Variants in GFOD1 observed in about 807,000 individuals in gnomAD.
GFOD1 encodes the protein glucose-fructose oxidoreductase domain-containing protein 1.
A neutral mutation model predicts 25.4 loss-of-function variants in GFOD1; 9 were observed. The ratio of observed to expected loss-of-function variants is 0.35; its 90% confidence interval spans 0.21 to 0.62. The LOEUF (loss-of-function observed/expected upper bound fraction) is 0.62, where lower values mean the gene tolerates loss of function less well. GFOD1 is among the 20% of genes least tolerant of loss of function. The probability of loss-of-function intolerance (pLI) is 0.72; values close to 1 mark genes in which losing one functional copy is unlikely to be tolerated. For missense variants in GFOD1, 403 were observed against 556.9 expected, an observed-to-expected ratio of 0.72 and a Z score of 2.78; for synonymous variants, 253 against 245.6, an observed-to-expected ratio of 1.03 and a Z score of -0.28.
At chr6:13,426,253 C>A (rs1216360815) in intron 1 of GFOD1, among the ~76,000 whole-genome samples, 1 of 152,264 alleles carries the variant, frequency 6.6e-6, no homozygotes, top group Non-Finnish European at 1.5e-5. Flanking sequence ...GAAGGCCACA[C>A]ACGCCCCCAG....
chr6:13,466,612 T>C (rs1240365323), intron 1 of GFOD1, among the ~76,000 whole-genome samples: 2 of 152,150 alleles, frequency 1.3e-5, no homozygotes, highest in African/African-American at 4.8e-5. Flanking sequence ...TGACCTGCAG[T>C]TGCTTGGGAT....
chr6:13,419,975 G>A (rs6910652), intron 1 of GFOD1, among the ~76,000 whole-genome samples: 99,342 of 152,044 alleles, frequency 0.65, 33,642 homozygotes, highest in Non-Finnish European at 0.74. Flanking sequence ...CACCTGCTGA[G>A]GGGATGCAGT....
chr6:13,409,108 A>AG (rs1320489630), intron 1 of GFOD1, among the ~76,000 whole-genome samples: 17 of 72,510 alleles, frequency 2.3e-4, no homozygotes, highest in Non-Finnish European at 5.3e-4. Flanking sequence ...AAAGAAAGAA[A>AG]GAAAGAAAGA....
intron 1 of GFOD1, chr6:13,469,323 A>T: frequency 1.0e-6 from 1 of 984,806 alleles, no homozygotes; most frequent in Non-Finnish European, 1.2e-6. Context: ...TTCAAAAATA[A>T]GTTATAATCA....
chr6:13,487,185 T>A lies in GFOD1; in HGVS notation c.-295A>T. On this transcript the variant is annotated 5_prime_UTR_variant, in exon 1 of 2. Coordinates refer to ENST00000379287, the MANE Select transcript of GFOD1 (RefSeq NM_018988.4). This position sits in a 1 kb window ranked among gnomAD's most constrained non-coding sequence, Gnocchi z 4.9. ...GGGCGCCGGAGGCTTCGAAGCCCCC[T>A]GGAGCCCCGGCTCAGGCTGCGCTCC... 2.9e-6 allele frequency: 1 copy of A among 344,258 alleles called. No homozygotes were observed. Among genetic ancestry groups the A allele is most frequent in the South Asian group, 8.7e-5 (1 of 11,432 alleles). 21.3% of individuals were successfully genotyped at this position (344,258 alleles called of 1,614,324 possible).
Position 13,365,357 on chromosome 6 carries a change from G to A in GFOD1, c.559C>T (p.Leu187Phe). The change falls in exon 2 of 2, where the codon CTC becomes TTC. Residue 187 changes from leucine to phenylalanine, a missense_variant. Coordinates refer to ENST00000379287, the MANE Select transcript of GFOD1 (RefSeq NM_018988.4). The surrounding 1 kb of genome is among the most constrained non-coding windows in gnomAD (Gnocchi z 9.2). ...ACCTTGACGGCCTTTTGGCCGGTGA[G>A]GAAGGTGAGCAGGTCGATGATGTAG... is the stretch of plus-strand genomic sequence containing the variant. ...GTYIIDLLTFLTGQKAVKVHG... is the reference protein window; with the variant it reads ...GTYIIDLLTFFTGQKAVKVHG... The A allele has an allele frequency of 6.2e-7, 1 of 1,614,192 alleles. No individual in the cohort carries two copies. Among genetic ancestry groups the A allele is most frequent in the Non-Finnish European group, 8.5e-7 (1 of 1,180,028 alleles).
At chr6:13,416,704 G>T (rs1235093701) in intron 1 of GFOD1, among the ~76,000 whole-genome samples, 2 of 152,196 alleles carry the variant, frequency 1.3e-5, no homozygotes, top group Non-Finnish European at 2.9e-5. Flanking sequence ...CCAAGAGAGG[G>T]TATCTCATAT....
Position 13,422,694 on chromosome 6 carries a change from C to T in GFOD1, c.254-57032G>A, listed in dbSNP as rs140855793. ...CCCCCTCCATTCAGATCATTTCCAT[C>T]TAAGTAGGAAGCCTGTGTTCACCCA... On this transcript the variant is annotated intron_variant, in intron 1 of 1. Coordinates refer to ENST00000379287, the MANE Select transcript of GFOD1 (RefSeq NM_018988.4). Among the ~76,000 whole-genome samples the T allele has an allele frequency of 3.7e-3, 570 of 152,256 alleles. 9 individuals are homozygous for T. Among genetic ancestry groups the T allele is most frequent in the South Asian group, 0.037 (179 of 4,808 alleles).
rs573350699 is a variant in GFOD1 at position 13,465,232 on chromosome 6, T to C, written c.253+21406A>G. On this transcript the variant is annotated intron_variant, in intron 1 of 1. Coordinates refer to ENST00000379287, the MANE Select transcript of GFOD1 (RefSeq NM_018988.4). The stretch of plus-strand genomic sequence containing the variant: ...CAATAGCTGATGAGCTAAAAAAAAA[T>C]GCAAAAAATTTTCATAATGTTTTAA... 8.0e-5 allele frequency among the ~76,000 whole-genome samples: 10 copies of C among 124,360 alleles called. No homozygotes were observed. The South Asian group carries it at 2.2e-3, about 27-fold the overall frequency. 81.6% of individuals were successfully genotyped at this position (124,360 alleles called of 152,430 possible). A position where few individuals can be genotyped will look rare whatever the true frequency, so the allele number is the denominator to read the frequency against.
intron 1 of GFOD1, among the ~76,000 whole-genome samples, chr6:13,374,052 A>G (rs1451033017): frequency 6.6e-6 from 1 of 152,206 alleles, no homozygotes. Flanking sequence ...ACTTTGTGCC[A>G]GAGGAGGCAC....
chr6:13,435,224 T>C (rs971805282), intron 1 of GFOD1, among the ~76,000 whole-genome samples: 1 of 151,980 alleles, frequency 6.6e-6, no homozygotes, highest in Non-Finnish European at 1.5e-5. Context: ...CCTTGAAGAG[T>C]GTGTCTTTGA....
intron 1 of GFOD1, among the ~76,000 whole-genome samples, chr6:13,425,292 G>A (rs1442582739): frequency 6.6e-6 from 1 of 152,086 alleles, no homozygotes; most frequent in African/African-American, 2.4e-5. Context: ...AACCTGTTGA[G>A]TTAGTTACCA....
chr6:13,435,844 T>C (rs1418699637), intron 1 of GFOD1, among the ~76,000 whole-genome samples: 3 of 152,204 alleles, frequency 2.0e-5, no homozygotes, highest in Admixed American at 6.5e-5. Flanking sequence ...AAAACCCTAA[T>C]ATTATAAATA....
intron 1 of GFOD1, among the ~76,000 whole-genome samples, chr6:13,448,792 C>G (rs1355628419): frequency 6.6e-6 from 1 of 152,182 alleles, no homozygotes; most frequent in African/African-American, 2.4e-5. Flanking sequence ...CTTCTAGAAA[C>G]CTGGTGGACA....
chr6:13,437,998 T>C (rs1207149851), intron 1 of GFOD1, among the ~76,000 whole-genome samples: 1 of 152,164 alleles, frequency 6.6e-6, no homozygotes, highest in African/African-American at 2.4e-5. Flanking sequence ...AAATACAAAC[T>C]ATGTGGTTAG....
chr6:13,484,155 C>T (rs2127580314), intron 1 of GFOD1, among the ~76,000 whole-genome samples: 1 of 152,032 alleles, frequency 6.6e-6, no homozygotes, highest in African/African-American at 2.4e-5. Context: ...TTGTAGGGTC[C>T]CTACAAAGTA....
chr6:13,469,313 T>C (rs1375514077), intron 1 of GFOD1: 5 of 983,706 alleles, frequency 5.1e-6, no homozygotes, highest in Non-Finnish European at 6.0e-6. Context: ...TTTTAGCCTC[T>C]TCAAAAATAA....
chr6:13,440,815 T>C (rs1327015389), intron 1 of GFOD1, among the ~76,000 whole-genome samples: 1 of 152,192 alleles, frequency 6.6e-6, no homozygotes, highest in Non-Finnish European at 1.5e-5. Flanking sequence ...ATAGTGCTTA[T>C]TTTGTTATTT....
intron 1 of GFOD1, among the ~76,000 whole-genome samples, chr6:13,403,639 AT>A (rs1321118315): frequency 6.6e-6 from 1 of 152,192 alleles, no homozygotes; most frequent in East Asian, 1.9e-4. Context: ...TAACTGAAAC[AT>A]TGTTATTTGT....
Sources: gnomAD v4.1 joint callset for allele counts (sites outside exome capture counted in the v4.1 genomes callset) on GRCh38, gnomAD v4.1.1 for gene constraint, Gnocchi (gnomAD v3.1) non-coding constraint, MANE v1.5 for transcripts, NCBI Gene and HGNC (gene_info 2026-07-23, HGNC 2026-07-21) for gene names.